The following VPS13B variants were observed in gnomAD, a reference collection of about 807,000 sequenced individuals.
VPS13B encodes the protein intermembrane lipid transfer protein VPS13B.
A neutral mutation model predicts 426.4 loss-of-function variants in VPS13B; 285 were observed. The observed-to-expected ratio is 0.67, with a 90% confidence interval of 0.61 to 0.74. VPS13B has a LOEUF of 0.74. Ranked by LOEUF, VPS13B falls within the 30% of genes least tolerant of loss-of-function variation. The pLI is 0.00. For missense variants in VPS13B, 4,537 were observed against 4,782.6 expected, an observed-to-expected ratio of 0.95 and a Z score of 1.51; for synonymous variants, 1,676 against 1,676.4, an observed-to-expected ratio of 1.00 and a Z score of 0.01.
chr8:99,653,872 A>T (rs1829920333), intron 34 of VPS13B, among the ~76,000 whole-genome samples: 1 of 152,044 alleles, frequency 6.6e-6, no homozygotes, highest in Admixed American at 6.6e-5. Flanking sequence ...CGAGGTGCAG[A>T]GTAGGTACAG....
chr8:99,062,433 T>C (rs1482563450), intron 3 of VPS13B, among the ~76,000 whole-genome samples: 1 of 152,198 alleles, frequency 6.6e-6, no homozygotes, highest in Non-Finnish European at 1.5e-5. Context: ...ACCTTTCAAC[T>C]GTTGAAGAGC....
chr8:99,299,016 A>C (rs111796992), intron 19 of VPS13B, among the ~76,000 whole-genome samples: 3,247 of 149,288 alleles, frequency 0.022, 128 homozygotes, highest in African/African-American at 0.076. Flanking sequence ...GTCCTGCCAC[A>C]TTCCAAAGAG....
intron 33 of VPS13B, among the ~76,000 whole-genome samples, chr8:99,586,513 C>G (rs926694845): frequency 6.6e-6 from 1 of 152,152 alleles, no homozygotes; most frequent in Non-Finnish European, 1.5e-5. Flanking sequence ...ATGAGTCTTA[C>G]TGTCTGTCCC....
chr8:99,606,072 TA>T (rs372308387), intron 33 of VPS13B, among the ~76,000 whole-genome samples: 45 of 152,148 alleles, frequency 3.0e-4, no homozygotes, highest in African/African-American at 9.9e-4. Context: ...ATTTTTGTAT[TA>T]TTTTTTTTTT....
intron 35 of VPS13B, among the ~76,000 whole-genome samples, chr8:99,670,262 AAATAATG>A (rs1563854518): frequency 1.7e-5 from 2 of 114,762 alleles, no homozygotes; most frequent in Non-Finnish European, 3.7e-5. Context: ...AATGAGGAAT[AAATAATG>A]TGATTTTTTA....
intron 17 of VPS13B, among the ~76,000 whole-genome samples, chr8:99,229,285 C>T (rs1816189125): frequency 6.6e-6 from 1 of 152,194 alleles, no homozygotes; most frequent in Admixed American, 6.5e-5. Context: ...CTAGGTCCTT[C>T]TACCACCATT....
At chr8:99,136,854 G>T in intron 12 of VPS13B, 102 bp downstream of exon 12, 1 of 1,108,928 alleles carries the variant, frequency 9.0e-7, no homozygotes. Flanking sequence ...TGCTACATAA[G>T]ATTTATCTTC....
At chr8:99,265,758 T>C (rs936981743) in intron 17 of VPS13B, among the ~76,000 whole-genome samples, 13 of 152,314 alleles carry the variant, frequency 8.5e-5, no homozygotes, top group African/African-American at 2.9e-4. Flanking sequence ...TTAATTCTTA[T>C]ATTTCTGGGG....
chr8:99,587,337 C>T lies in VPS13B; in HGVS notation c.5220+9704C>T, dbSNP rs376116676. 3.0e-4 allele frequency among the ~76,000 whole-genome samples: 46 copies of T among 152,118 alleles called. No homozygotes were observed. In the East Asian group the frequency reaches 3.1e-3, roughly 10 times the overall value. On this transcript the variant is annotated intron_variant, in intron 33 of 61. Coordinates refer to ENST00000357162, the MANE Select transcript of VPS13B (RefSeq NM_152564.5). ...ATTTATAATCCTATGGGTATATACC[C>T]AGTAATGGGATGGCTGGGTCAAATG...
rs532736353 is a variant in VPS13B at position 99,677,220 on chromosome 8, G to T, written c.6046+15729G>T. On this transcript the variant is annotated intron_variant, in intron 35 of 61. Coordinates refer to ENST00000357162, the MANE Select transcript of VPS13B (RefSeq NM_152564.5). Reference sequence around the variant, plus strand: ...TTTAATCCTCTGCCCCTTCTCTCTTGCCAGAAATTGGGCTAAGGCCTATAC... The same window carrying T: ...TTTAATCCTCTGCCCCTTCTCTCTTTCCAGAAATTGGGCTAAGGCCTATAC... Among the ~76,000 whole-genome samples the T allele has an allele frequency of 5.9e-5, 9 of 152,214 alleles. No individual in the cohort carries two copies. The South Asian group carries it at 1.7e-3, about 28-fold the overall frequency.
At chr8:99,569,156 C>T (rs1825344971) in intron 31 of VPS13B, among the ~76,000 whole-genome samples, 2 of 152,094 alleles carry the variant, frequency 1.3e-5, no homozygotes, top group Non-Finnish European at 2.9e-5. Context: ...TCTGCTCTAG[C>T]ATCTTCCATC....
chr8:99,725,770 T>G (rs1833321367), intron 39 of VPS13B, among the ~76,000 whole-genome samples: 1 of 152,212 alleles, frequency 6.6e-6, no homozygotes, highest in Non-Finnish European at 1.5e-5. Context: ...CAGGGTGCGT[T>G]GTGTTATTTT....
At chr8:99,873,829 C>G (rs767388542) in intron 61 of VPS13B, among the ~76,000 whole-genome samples, 3 of 152,192 alleles carry the variant, frequency 2.0e-5, no homozygotes, top group Non-Finnish European at 4.4e-5. Context: ...AGCTGTCTGG[C>G]TCTTAGTGCA....
intron 30 of VPS13B, among the ~76,000 whole-genome samples, chr8:99,555,026 C>T (rs1312541406): frequency 6.6e-6 from 1 of 152,130 alleles, no homozygotes; most frequent in Non-Finnish European, 1.5e-5. Context: ...TTCTCTGGCT[C>T]CTGCTTTGGC....
intron 19 of VPS13B, among the ~76,000 whole-genome samples, chr8:99,287,552 C>T (rs538276661): frequency 1.8e-4 from 28 of 151,780 alleles, no homozygotes; most frequent in African/African-American, 5.8e-4. Flanking sequence ...CTAATTTCCA[C>T]TAAAAGATAA....
intron 16 of VPS13B, among the ~76,000 whole-genome samples, chr8:99,170,866 CTT>C (rs1226316393): frequency 6.6e-6 from 1 of 151,390 alleles, no homozygotes; most frequent in African/African-American, 2.4e-5. Flanking sequence ...TAGAATATGT[CTT>C]TTGTATTCTC....
intron 31 of VPS13B, among the ~76,000 whole-genome samples, chr8:99,558,499 T>G (rs1019764384): frequency 6.6e-6 from 1 of 152,178 alleles, no homozygotes; most frequent in Admixed American, 6.5e-5. Context: ...CATGTTGGTG[T>G]GCTGCACCCA....
Position 99,384,183 on chromosome 8 carries a change from A to G in VPS13B, c.2825-25A>G, listed in dbSNP as rs752823177. 2.9e-5 allele frequency: 46 copies of G among 1,580,402 alleles called. 1 individual carries two copies. In the South Asian group the frequency reaches 4.8e-4, roughly 16 times the overall value. On this transcript the variant is annotated intron_variant, in intron 19 of 61. Transcript: ENST00000357162. ...ATTGTTTTTTATGAGGACTTATGTAACAGTTTAAAAATCTTGTCTTTTAGG... is the reference window on the plus strand; with the variant it reads ...ATTGTTTTTTATGAGGACTTATGTAGCAGTTTAAAAATCTTGTCTTTTAGG...
At chr8:99,502,232 C>T (rs1275405499) in intron 26 of VPS13B, among the ~76,000 whole-genome samples, 2 of 152,128 alleles carry the variant, frequency 1.3e-5, no homozygotes, top group Non-Finnish European at 2.9e-5. Context: ...GGTCCGCCCA[C>T]GTTGGCCGCC....
Sources: gnomAD v4.1 joint callset for allele counts (sites outside exome capture counted in the v4.1 genomes callset) on GRCh38, gnomAD v4.1.1 for gene constraint, MANE v1.5 for transcripts, NCBI Gene and HGNC (gene_info 2026-07-23, HGNC 2026-07-21) for gene names.